The following ANKRD44 variants were observed in gnomAD, a reference collection of about 807,000 sequenced individuals.
ANKRD44 encodes serine/threonine-protein phosphatase 6 regulatory ankyrin repeat subunit B.
In ANKRD44, 35 loss-of-function variants were observed where a neutral mutation model predicts 116.0. The ratio of observed to expected loss-of-function variants is 0.30; its 90% confidence interval spans 0.23 to 0.40. The LOEUF (loss-of-function observed/expected upper bound fraction) is 0.40, where lower values mean the gene tolerates loss of function less well. Ranked by LOEUF, ANKRD44 falls within the 10% of genes least tolerant of loss-of-function variation. The probability of loss-of-function intolerance (pLI) is 1.00; values close to 1 mark genes in which losing one functional copy is unlikely to be tolerated. For missense variants in ANKRD44, 1,014 were observed against 1,242.6 expected, an observed-to-expected ratio of 0.82 and a Z score of 2.77; for synonymous variants, 435 against 461.8, an observed-to-expected ratio of 0.94 and a Z score of 0.74.
intron 16 of ANKRD44, among the ~76,000 whole-genome samples, chr2:197,045,615 C>G (rs1218990793): frequency 6.6e-6 from 1 of 152,224 alleles, no homozygotes; most frequent in African/African-American, 2.4e-5. Flanking sequence ...GTTACTCCTC[C>G]TCTGTCTAAA....
chr2:197,104,633 C>T (rs750782320), intron 9 of ANKRD44, among the ~76,000 whole-genome samples: 49 of 152,178 alleles, frequency 3.2e-4, no homozygotes, highest in Non-Finnish European at 6.6e-4. Context: ...GTAATAAGAT[C>T]GTCCATAAGG....
intron 2 of ANKRD44, among the ~76,000 whole-genome samples, chr2:197,176,203 G>A (rs918204147): frequency 1.3e-5 from 2 of 152,160 alleles, no homozygotes; most frequent in Admixed American, 1.3e-4. Flanking sequence ...GCCTATCTCT[G>A]GACTTGCACA....
At chr2:197,287,484 G>C (rs568572350) in intron 1 of ANKRD44, among the ~76,000 whole-genome samples, 8 of 152,254 alleles carry the variant, frequency 5.3e-5, no homozygotes, top group South Asian at 2.1e-4. Flanking sequence ...ATGAGCAAGA[G>C]AGGAACAAGC....
chr2:197,100,475 G>A (rs1007959676), intron 9 of ANKRD44, among the ~76,000 whole-genome samples: 14 of 152,280 alleles, frequency 9.2e-5, no homozygotes, highest in South Asian at 2.1e-4. Flanking sequence ...AAATGCTTTT[G>A]AGAAATCTTT....
In ANKRD44 at chr2:197,013,512, T is replaced by C; in HGVS notation, c.1923A>G (p.Ser641=). The change falls in exon 18 of 28, where the codon TCA becomes TCG. Residue 641 remains serine (S), a splice_region_variant and synonymous_variant. Transcript: ENST00000282272. ...NVTKRTPLHA[S]VINGHTLCLR... ...AATCAGGCCCTTGACAAGACCTACC[T>C]GAGGCATGAAGTGGGGTTCTTTTGG... The C allele has an allele frequency of 6.2e-7, 1 of 1,614,176 alleles. No homozygotes were observed. Among genetic ancestry groups the C allele is most frequent in the East Asian group, 2.2e-5 (1 of 44,890 alleles).
At chr2:197,176,733 C>A (rs2080372665) in intron 2 of ANKRD44, among the ~76,000 whole-genome samples, 1 of 151,944 alleles carries the variant, frequency 6.6e-6, no homozygotes, top group African/African-American at 2.4e-5. Context: ...AGTGAGAAAC[C>A]CATTTATACT....
intron 16 of ANKRD44, among the ~76,000 whole-genome samples, chr2:197,052,155 G>A (rs1261203826): frequency 9.9e-5 from 15 of 152,072 alleles, no homozygotes; most frequent in Non-Finnish European, 8.8e-5. Flanking sequence ...AGGTTCCAGG[G>A]AATAGTGTAA....
At chr2:197,087,730 G>T (rs1307265631) in intron 12 of ANKRD44, among the ~76,000 whole-genome samples, 1 of 152,080 alleles carries the variant, frequency 6.6e-6, no homozygotes, top group East Asian at 1.9e-4. Context: ...GGTGTAGCAT[G>T]CCAGCTGATA....
intron 2 of ANKRD44, among the ~76,000 whole-genome samples, chr2:197,178,779 T>C (rs1045458823): frequency 3.9e-5 from 6 of 152,250 alleles, no homozygotes; most frequent in African/African-American, 1.4e-4. Flanking sequence ...GTTTTCATCT[T>C]TTTATTTTCT....
chr2:197,045,365 A>G (rs1308978381), intron 16 of ANKRD44, among the ~76,000 whole-genome samples: 2 of 152,198 alleles, frequency 1.3e-5, no homozygotes, highest in Non-Finnish European at 2.9e-5. Flanking sequence ...AACAGGACCA[A>G]CCACTAACAG....
chr2:197,282,037 A>C (rs1467902004), intron 1 of ANKRD44, among the ~76,000 whole-genome samples: 1 of 152,062 alleles, frequency 6.6e-6, no homozygotes, highest in Non-Finnish European at 1.5e-5. Flanking sequence ...GCAGATCACG[A>C]GGTCAGGAGA....
At chr2:197,309,115 C>G (rs1392566234) in intron 1 of ANKRD44, among the ~76,000 whole-genome samples, 1 of 152,154 alleles carries the variant, frequency 6.6e-6, no homozygotes, top group Non-Finnish European at 1.5e-5. Context: ...CTTTGAAGAT[C>G]TAGGGATTAA....
chr2:197,008,404 G>A (rs1466627624), intron 19 of ANKRD44, among the ~76,000 whole-genome samples: 3 of 152,212 alleles, frequency 2.0e-5, no homozygotes, highest in African/African-American at 7.2e-5. Context: ...CAAGAGGGAG[G>A]TGAGATTCTG....
At chr2:197,022,387 T>C (rs1358955852) in intron 17 of ANKRD44, among the ~76,000 whole-genome samples, 1 of 152,190 alleles carries the variant, frequency 6.6e-6, no homozygotes, top group African/African-American at 2.4e-5. Context: ...AGTGATCCTT[T>C]TAAAACAAAA....
chr2:197,068,894 T>A (rs2077499754), intron 16 of ANKRD44, among the ~76,000 whole-genome samples: 2 of 152,168 alleles, frequency 1.3e-5, no homozygotes, highest in African/African-American at 4.8e-5. Flanking sequence ...GTGTGGCGAT[T>A]CCTCGAGGAT....
chr2:197,087,944 C>T (rs1175214335), intron 12 of ANKRD44, among the ~76,000 whole-genome samples: 1 of 152,144 alleles, frequency 6.6e-6, no homozygotes, highest in Non-Finnish European at 1.5e-5. Context: ...TAAAGTGTCA[C>T]CATTTATCCA....
intron 1 of ANKRD44, among the ~76,000 whole-genome samples, chr2:197,268,526 T>C (rs2082800280): frequency 6.6e-6 from 1 of 152,166 alleles, no homozygotes; most frequent in Non-Finnish European, 1.5e-5. Flanking sequence ...ACTGTTCCCA[T>C]TTTATAGGTG....
intron 1 of ANKRD44, among the ~76,000 whole-genome samples, chr2:197,218,067 G>T (rs10166970): frequency 0.014 from 2,149 of 152,148 alleles, 46 homozygotes; most frequent in African/African-American, 0.048. Context: ...TAAAATAAAA[G>T]AAAAGAATAA....
In ANKRD44 at chr2:197,046,222, T is replaced by C. The variant is rs1330421858; in HGVS notation, c.1651-20955A>G. Among the ~76,000 whole-genome samples the C allele has an allele frequency of 2.6e-5, 4 of 152,220 alleles. No individual in the cohort carries two copies. The East Asian group carries it at 5.8e-4, about 22-fold the overall frequency. On this transcript the variant is annotated intron_variant, in intron 16 of 27. Transcript: ENST00000282272. The stretch of plus-strand genomic sequence containing the variant: ...TTTTTGGTATTATTATTATTATTGG[T>C]ACTGTCAGCTATAAACATTTGTGTG...
Sources: allele counts gnomAD v4.1 joint callset (sites outside exome capture counted in the v4.1 genomes callset), GRCh38; gene constraint gnomAD v4.1.1; transcripts MANE v1.5; gene names NCBI Gene and HGNC (gene_info 2026-07-23, HGNC 2026-07-21).